PBX3: variants seen among roughly 807,000 people sequenced by gnomAD.
The protein encoded by PBX3 is pre-B-cell leukemia transcription factor 3.
PBX3 carries 14 observed loss-of-function variants against 48.5 expected under a neutral mutation model. That is an observed-to-expected ratio of 0.29 (90% CI 0.19 to 0.45). PBX3 has a LOEUF of 0.45. Among genes scored for constraint, PBX3 ranks in the 20% least tolerant of loss-of-function variants. The probability of loss-of-function intolerance (pLI) is 1.00; values close to 1 mark genes in which losing one functional copy is unlikely to be tolerated. For missense variants in PBX3, 386 were observed against 546.7 expected, an observed-to-expected ratio of 0.71 and a Z score of 2.93; for synonymous variants, 210 against 200.3, an observed-to-expected ratio of 1.05 and a Z score of -0.41.
chr9:125,756,532 G>C (rs1242649105), intron 2 of PBX3, among the ~76,000 whole-genome samples: 2 of 152,134 alleles, frequency 1.3e-5, no homozygotes, highest in African/African-American at 4.8e-5. Context: ...AGAAGGAAGA[G>C]GGTTTGGGTA....
intron 2 of PBX3, among the ~76,000 whole-genome samples, chr9:125,813,042 T>G (rs1245795870): frequency 6.6e-6 from 1 of 152,222 alleles, no homozygotes; most frequent in Non-Finnish European, 1.5e-5. Flanking sequence ...ACACTTAGGC[T>G]ATACTAAATT....
At chr9:125,955,456 T>C (rs1337603846) in intron 5 of PBX3, among the ~76,000 whole-genome samples, 2 of 152,150 alleles carry the variant, frequency 1.3e-5, no homozygotes, top group Non-Finnish European at 2.9e-5. Context: ...TCTGTCACTA[T>C]AAAAAGGGGG....
At chr9:125,777,359 CTTCT>C (rs1307865415) in intron 2 of PBX3, among the ~76,000 whole-genome samples, 1 of 147,728 alleles carries the variant, frequency 6.8e-6, no homozygotes, top group African/African-American at 2.5e-5. Context: ...TCTTCTTCTT[CTTCT>C]TTTTTTTTTT....
At chr9:125,827,225 T>C (rs1374193979) in intron 2 of PBX3, among the ~76,000 whole-genome samples, 1 of 152,220 alleles carries the variant, frequency 6.6e-6, no homozygotes, top group Non-Finnish European at 1.5e-5. Context: ...AAGACCCATG[T>C]AGGGTATATG....
intron 2 of PBX3, among the ~76,000 whole-genome samples, chr9:125,876,318 C>T (rs1840246167): frequency 6.6e-6 from 1 of 151,948 alleles, no homozygotes; most frequent in African/African-American, 2.4e-5. Context: ...AATAATTGGC[C>T]CCTGAACAAC....
intron 2 of PBX3, among the ~76,000 whole-genome samples, chr9:125,830,916 A>G (rs1053168123): frequency 2.6e-5 from 4 of 152,102 alleles, no homozygotes; most frequent in African/African-American, 9.7e-5. Context: ...CAAATTCACA[A>G]AAGTAGAGGG....
intron 2 of PBX3, among the ~76,000 whole-genome samples, chr9:125,799,004 T>C (rs76715071): frequency 0.02 from 3,062 of 152,234 alleles, 172 homozygotes; most frequent in East Asian, 0.17. Context: ...CTTAAAAATA[T>C]GTAATTGGGT....
chr9:125,965,914 C>T lies in PBX3; in HGVS notation c.1296C>T (p.Thr432=). ...TEGPGSVHSD[T]SN is the part of the protein sequence containing the mutation. ...GCCCAGGAAGTGTGCACTCGGATACCTCTAACTAATCTCTGGCCACACTTT... is the reference window on the plus strand; with the variant it reads ...GCCCAGGAAGTGTGCACTCGGATACTTCTAACTAATCTCTGGCCACACTTT... Residue 432 remains threonine (T), a synonymous_variant, in exon 9 of 9, where the codon ACC becomes ACT. Transcript: ENST00000373489. 1 of 1,612,324 alleles carries T rather than the reference C, an allele frequency of 6.2e-7. No individual in the cohort carries two copies.
At chr9:125,854,130 TTTG>T (rs989482169) in intron 2 of PBX3, among the ~76,000 whole-genome samples, 17 of 152,144 alleles carry the variant, frequency 1.1e-4, no homozygotes, top group Admixed American at 1.0e-3. Flanking sequence ...TAATTTTTGT[TTTG>T]TTTTTGTTTT....
intron 2 of PBX3, among the ~76,000 whole-genome samples, chr9:125,826,870 T>C (rs1427497372): frequency 6.6e-6 from 1 of 152,222 alleles, no homozygotes; most frequent in Non-Finnish European, 1.5e-5. Context: ...TATTTCTCTG[T>C]GTTTGGTAAC....
At chr9:125,927,433 A>C (rs1841602325) in intron 3 of PBX3, among the ~76,000 whole-genome samples, 1 of 152,262 alleles carries the variant, frequency 6.6e-6, no homozygotes, top group African/African-American at 2.4e-5. Flanking sequence ...CACAGGGTTC[A>C]GGAAAGGTTA....
rs372274815 is a variant in PBX3 at position 125,751,017 on chromosome 9, C to A, written c.274+2394C>A. 8.5e-5 allele frequency among the ~76,000 whole-genome samples: 13 copies of A among 152,286 alleles called. No homozygotes were observed. The East Asian group carries it at 1.7e-3, about 20-fold the overall frequency. On this transcript the variant is annotated intron_variant, in intron 2 of 8. Transcript: ENST00000373489. ...CGGGGCTGCAAATTCCAAGCCCCCC[C>A]ACTCCTGCTTCCATAGTCGGTCATG... is the stretch of plus-strand genomic sequence containing the variant.
Position 125,967,176 on chromosome 9 carries a change from C to T in PBX3, c.*1253C>T, listed in dbSNP as rs1252868247. On this transcript the variant is annotated 3_prime_UTR_variant, in exon 9 of 9. Coordinates refer to ENST00000373489, the MANE Select transcript of PBX3 (RefSeq NM_006195.6). ...ATATTTCACCCTGTGTAATGGGGCCCCCTCTCCTTTCTCTCTTTTTGTATT... is the reference window on the plus strand; with the variant it reads ...ATATTTCACCCTGTGTAATGGGGCCTCCTCTCCTTTCTCTCTTTTTGTATT... 6.6e-6 allele frequency: 1 copy of T among 152,130 alleles called. No individual in the cohort carries two copies. Among genetic ancestry groups the T allele is most frequent in the Non-Finnish European group, 1.5e-5 (1 of 68,006 alleles). The allele number at this position is 152,130 out of a possible 1,614,324, so 9.4% of individuals were successfully genotyped here.
At chr9:125,888,025 T>C (rs1307220924) in intron 2 of PBX3, among the ~76,000 whole-genome samples, 2 of 152,158 alleles carry the variant, frequency 1.3e-5, no homozygotes, top group African/African-American at 2.4e-5. Context: ...TTGGTGTGAA[T>C]GTTGACTTAC....
chr9:125,757,179 TCTTAC>T (rs1836541113), intron 2 of PBX3, among the ~76,000 whole-genome samples: 1 of 152,132 alleles, frequency 6.6e-6, no homozygotes, highest in Admixed American at 6.6e-5. Flanking sequence ...TAAATGTGCA[TCTTAC>T]CTTTACTATC....
At chr9:125,840,098 C>CT (rs923603359) in intron 2 of PBX3, among the ~76,000 whole-genome samples, 56 of 151,734 alleles carry the variant, frequency 3.7e-4, no homozygotes, top group Middle Eastern at 3.4e-3. Context: ...GACCTGTCTT[C>CT]TTTTTTTTAA....
chr9:125,807,748 A>G (rs912276515), intron 2 of PBX3, among the ~76,000 whole-genome samples: 17 of 152,124 alleles, frequency 1.1e-4, no homozygotes, highest in African/African-American at 3.9e-4. Context: ...CTCTTATTAA[A>G]TATCCTTCAA....
At chr9:125,764,664 G>A (rs547581094) in intron 2 of PBX3, among the ~76,000 whole-genome samples, 8 of 152,176 alleles carry the variant, frequency 5.3e-5, no homozygotes, top group Non-Finnish European at 1.0e-4. Flanking sequence ...CTAAGGTAAA[G>A]CTGTTATTTT....
chr9:125,857,023 C>G (rs1038954206), intron 2 of PBX3, among the ~76,000 whole-genome samples: 1 of 152,050 alleles, frequency 6.6e-6, no homozygotes, highest in Non-Finnish European at 1.5e-5. Context: ...AGAAGATATA[C>G]CTAGCTTATT....
Sources: allele counts gnomAD v4.1 joint callset (sites outside exome capture counted in the v4.1 genomes callset), GRCh38; gene constraint gnomAD v4.1.1; transcripts MANE v1.5; gene names NCBI Gene and HGNC (gene_info 2026-07-23, HGNC 2026-07-21).